The following CDH12 variants were observed in gnomAD, a reference collection of about 807,000 sequenced individuals.
CDH12 encodes the protein cadherin-12.
CDH12 carries 41 observed loss-of-function variants against 74.1 expected under a neutral mutation model. That is an observed-to-expected ratio of 0.55 (90% CI 0.43 to 0.72). CDH12 has a LOEUF of 0.72. Ranked by LOEUF, CDH12 falls within the 30% of genes least tolerant of loss-of-function variation. The pLI is 0.00. For missense variants in CDH12, 945 were observed against 977.2 expected (o/e 0.97, Z 0.44); for synonymous variants, 399 against 355.0 (o/e 1.12, Z -1.39).
At chr5:21,995,744 A>G (rs1468321551) in intron 5 of CDH12, among the ~76,000 whole-genome samples, 1 of 151,134 alleles carries the variant, frequency 6.6e-6, no homozygotes, top group African/African-American at 2.4e-5. Context: ...CCTCTCTCCT[A>G]TCCTTTTCTG....
chr5:22,670,952 A>G (rs1340593966), intron 1 of CDH12, among the ~76,000 whole-genome samples: 1 of 151,954 alleles, frequency 6.6e-6, no homozygotes, highest in East Asian at 1.9e-4. Flanking sequence ...ACTGAAATGC[A>G]TATCTAAAAT....
At chr5:22,185,929 C>A (rs1749915402) in intron 4 of CDH12, among the ~76,000 whole-genome samples, 2 of 152,174 alleles carry the variant, frequency 1.3e-5, no homozygotes, top group Non-Finnish European at 2.9e-5. Flanking sequence ...TGAAGGACTT[C>A]ATCATAACCA....
At chr5:22,354,176 T>C (rs1740467097) in intron 3 of CDH12, among the ~76,000 whole-genome samples, 2 of 152,106 alleles carry the variant, frequency 1.3e-5, no homozygotes, top group Non-Finnish European at 2.9e-5. Context: ...GGGAAGCTTC[T>C]GGAAAGTAGG....
chr5:22,449,769 G>T (rs946025869), intron 2 of CDH12, among the ~76,000 whole-genome samples: 4 of 151,940 alleles, frequency 2.6e-5, no homozygotes, highest in East Asian at 3.9e-4. Context: ...TTTTTTATAT[G>T]CAGTAGACAA....
intron 1 of CDH12, among the ~76,000 whole-genome samples, chr5:22,658,274 C>T (rs1304308613): frequency 6.6e-6 from 1 of 152,008 alleles, no homozygotes; most frequent in Admixed American, 6.6e-5. Flanking sequence ...TTACAGTGTT[C>T]ATATAAAATA....
intron 5 of CDH12, among the ~76,000 whole-genome samples, chr5:22,060,261 T>C (rs1248972582): frequency 1.3e-5 from 2 of 151,464 alleles, no homozygotes; most frequent in Admixed American, 1.3e-4. Flanking sequence ...AAGTGGGAGA[T>C]TAACAATAAG....
intron 1 of CDH12, among the ~76,000 whole-genome samples, chr5:22,717,186 C>T (rs1303576393): frequency 6.6e-6 from 1 of 152,146 alleles, no homozygotes; most frequent in African/African-American, 2.4e-5. Flanking sequence ...CTGACTCACC[C>T]AGAGCAACTT....
chr5:21,888,845 T>C (rs941744695), intron 6 of CDH12, among the ~76,000 whole-genome samples: 10 of 152,002 alleles, frequency 6.6e-5, no homozygotes, highest in Non-Finnish European at 1.3e-4. Context: ...ATGAAATAAA[T>C]GATTATACTA....
chr5:22,108,737 C>T (rs1744646425), intron 4 of CDH12, among the ~76,000 whole-genome samples: 2 of 152,144 alleles, frequency 1.3e-5, no homozygotes, highest in Non-Finnish European at 2.9e-5. Context: ...GAAATTCCAT[C>T]CTGAGTGATA....
chr5:21,914,167 A>C (rs1753985822), intron 6 of CDH12, among the ~76,000 whole-genome samples: 1 of 152,192 alleles, frequency 6.6e-6, no homozygotes, highest in Admixed American at 6.5e-5. Context: ...ATCCACACTG[A>C]AAGGGGCTTT....
At position 22,185,287 on chromosome 5, in the gene CDH12, C is replaced by T. The variant is rs1749876624; in HGVS notation, c.-187+27211G>A. Among the ~76,000 whole-genome samples, 4 of 151,438 alleles carry T rather than the reference C, an allele frequency of 2.6e-5. No individual in the cohort carries two copies. In the South Asian group the frequency reaches 6.3e-4, roughly 24 times the overall value. ...AATCTTGGCTCACTGCAATCTCTGC[C>T]TCCCAGGTTCAAGTGATTCTCCTGC... is the stretch of plus-strand genomic sequence containing the variant. On this transcript the variant is annotated intron_variant, in intron 4 of 14. Coordinates refer to ENST00000382254, the MANE Select transcript of CDH12 (RefSeq NM_004061.5).
intron 3 of CDH12, among the ~76,000 whole-genome samples, chr5:22,400,853 G>A (rs573047750): frequency 1.2e-3 from 185 of 152,028 alleles, no homozygotes; most frequent in African/African-American, 4.3e-3. Flanking sequence ...GCTCCTTCCT[G>A]ATGACTGGAA....
intron 6 of CDH12, among the ~76,000 whole-genome samples, chr5:21,858,349 A>G (rs1479983909): frequency 1.3e-5 from 2 of 151,928 alleles, no homozygotes; most frequent in Non-Finnish European, 2.9e-5. Context: ...ACTCTGATAG[A>G]CTTATTAAAC....
chr5:22,668,764 G>GATTT (rs1740750121), intron 1 of CDH12, among the ~76,000 whole-genome samples: 1 of 152,148 alleles, frequency 6.6e-6, no homozygotes, highest in Admixed American at 6.5e-5. Flanking sequence ...AGCTTTGAAA[G>GATTT]GGACATTCAA....
intron 1 of CDH12, among the ~76,000 whole-genome samples, chr5:22,759,142 A>G (rs559641642): frequency 1.4e-3 from 209 of 151,922 alleles, no homozygotes; most frequent in African/African-American, 4.9e-3. Flanking sequence ...GGCAACCTGG[A>G]CTTCTGACTT....
intron 8 of CDH12, among the ~76,000 whole-genome samples, chr5:21,818,828 C>T (rs1430657608): frequency 1.3e-5 from 2 of 151,848 alleles, no homozygotes; most frequent in Non-Finnish European, 2.9e-5. Flanking sequence ...ATAGACCTAA[C>T]AACAACAACA....
At chr5:21,979,856 C>T (rs538299719) in intron 5 of CDH12, among the ~76,000 whole-genome samples, 143 of 151,720 alleles carry the variant, frequency 9.4e-4, no homozygotes, top group Admixed American at 2.5e-3. Flanking sequence ...CCTGAGGAAT[C>T]GCCACACTGA....
intron 1 of CDH12, among the ~76,000 whole-genome samples, chr5:22,800,715 T>C (rs146300953): frequency 3.5e-4 from 54 of 152,254 alleles, no homozygotes; most frequent in Non-Finnish European, 6.2e-4. Flanking sequence ...TCTCTCCTAA[T>C]TGCTGCTGGC....
chr5:22,110,846 A>G (rs1284713821), intron 4 of CDH12, among the ~76,000 whole-genome samples: 2 of 152,092 alleles, frequency 1.3e-5, no homozygotes, highest in Non-Finnish European at 2.9e-5. Context: ...TTTTGGGGAA[A>G]GGCTATCATC....
Sources: allele counts gnomAD v4.1 joint callset (sites outside exome capture counted in the v4.1 genomes callset), GRCh38; gene constraint gnomAD v4.1.1; transcripts MANE v1.5; gene names NCBI Gene and HGNC (gene_info 2026-07-23, HGNC 2026-07-21).